The following ARMC8 variants were observed in gnomAD, a reference collection of about 807,000 sequenced individuals.
The protein encoded by ARMC8 is armadillo repeat containing 8.
Under a neutral mutation model 99.3 loss-of-function variants are expected in ARMC8, and 20 were observed. That is an observed-to-expected ratio of 0.20 (90% confidence interval 0.14 to 0.29). ARMC8 has a LOEUF of 0.29. Ranked by LOEUF, ARMC8 falls within the 10% of genes least tolerant of loss-of-function variation. The pLI is 1.00. For synonymous variants in ARMC8, 263 were observed against 278.3 expected, an observed-to-expected ratio of 0.95 and a Z score of 0.55; for missense variants, 569 against 809.5, an observed-to-expected ratio of 0.70 and a Z score of 3.60.
At chr3:138,191,073 A>C (rs2043353656) in intron 1 of ARMC8, among the ~76,000 whole-genome samples, 1 of 152,248 alleles carries the variant, frequency 6.6e-6, no homozygotes, top group African/African-American at 2.4e-5. Context: ...CATACAAGGC[A>C]AAGGGAACTG....
At chr3:138,284,005 C>T (rs911735977) in intron 18 of ARMC8, among the ~76,000 whole-genome samples, 5 of 152,148 alleles carry the variant, frequency 3.3e-5, no homozygotes, top group African/African-American at 1.2e-4. Flanking sequence ...GGGAGGCTTC[C>T]CTGGGAGGGG....
In ARMC8 at chr3:138,243,019, G is replaced by C. The variant is rs536472092; in HGVS notation, c.1038+1036G>C. Among the ~76,000 whole-genome samples the C allele has an allele frequency of 3.3e-5, 5 of 152,180 alleles. No individual in the cohort carries two copies. In the South Asian group the frequency reaches 1.0e-3, roughly 32 times the overall value. ...ATACATTTAACCAGTTGCCTTGTCT[G>C]TTTTCCTTCTGGTCATTTTTTCACA... On this transcript the variant is annotated intron_variant, in intron 11 of 21. Coordinates refer to ENST00000469044, the MANE Select transcript of ARMC8 (RefSeq NM_001363941.2).
chr3:138,250,361 AGAT>A (rs1219805664), intron 12 of ARMC8, among the ~76,000 whole-genome samples: 12 of 152,246 alleles, frequency 7.9e-5, no homozygotes, highest in African/African-American at 2.9e-4. Flanking sequence ...TTAAAAGAAA[AGAT>A]GACCAACATT....
rs558098933 is a variant in ARMC8, at chr3:138,264,675, T to C, written c.1299+463T>C. ...CCACGTGATCTGCCCGCCTCGGCCC[T>C]CCAAAGTGCTGGGATTACAGGCATG... On this transcript the variant is annotated intron_variant, in intron 14 of 21. Transcript: ENST00000469044. 1.2e-4 allele frequency among the ~76,000 whole-genome samples: 18 copies of C among 151,836 alleles called. No individual in the cohort carries two copies. The South Asian group carries it at 2.3e-3, about 19-fold the overall frequency.
intron 1 of ARMC8, among the ~76,000 whole-genome samples, chr3:138,206,532 C>G (rs1408136294): frequency 1.3e-5 from 2 of 152,236 alleles, no homozygotes; most frequent in African/African-American, 2.4e-5. Flanking sequence ...AAAAAAAGCT[C>G]TACCCCTAGG....
intron 21 of ARMC8, among the ~76,000 whole-genome samples, chr3:138,292,046 T>C (rs1329940720): frequency 1.3e-5 from 2 of 152,184 alleles, no homozygotes; most frequent in Non-Finnish European, 2.9e-5. Context: ...CTTTCTTTTC[T>C]TTTCTTTCGA....
chr3:138,223,836 A>C (rs1316412286), intron 5 of ARMC8, 103 bp downstream of exon 5: 1 of 1,023,092 alleles, frequency 9.8e-7, no homozygotes, highest in Non-Finnish European at 1.5e-6. Flanking sequence ...TATGTAAAAA[A>C]GTCTCAGTTG....
intron 12 of ARMC8, among the ~76,000 whole-genome samples, chr3:138,259,645 G>A (rs976538554): frequency 6.6e-6 from 1 of 152,146 alleles, no homozygotes; most frequent in Non-Finnish European, 1.5e-5. Flanking sequence ...TAGACATTCT[G>A]TTAGACTATG....
chr3:138,249,868 G>A (rs1447337728), intron 12 of ARMC8, among the ~76,000 whole-genome samples: 2 of 152,164 alleles, frequency 1.3e-5, no homozygotes, highest in African/African-American at 4.8e-5. Flanking sequence ...TGAGGTCTCA[G>A]AGAAGTATTT....
chr3:138,191,262 T>C (rs1271147137), intron 1 of ARMC8, among the ~76,000 whole-genome samples: 7 of 152,194 alleles, frequency 4.6e-5, no homozygotes, highest in African/African-American at 1.7e-4. Context: ...GACCACCCCA[T>C]CCCTCTTTGG....
At chr3:138,196,291 G>A (rs776917121) in intron 1 of ARMC8, among the ~76,000 whole-genome samples, 2 of 152,138 alleles carry the variant, frequency 1.3e-5, no homozygotes, top group Non-Finnish European at 2.9e-5. Context: ...TTTGTTAGGG[G>A]AGTAAGTAGG....
intron 19 of ARMC8, among the ~76,000 whole-genome samples, chr3:138,288,799 G>A (rs1371383283): frequency 6.6e-6 from 1 of 151,872 alleles, no homozygotes; most frequent in African/African-American, 2.4e-5. Flanking sequence ...CACTACACCC[G>A]GCAAATTTTT....
intron 2 of ARMC8, among the ~76,000 whole-genome samples, chr3:138,211,980 GAA>G (rs1491552227): frequency 6.6e-6 from 1 of 152,146 alleles, no homozygotes; most frequent in African/African-American, 2.4e-5. Flanking sequence ...AACTAAAGTA[GAA>G]GAGAGAGAGG....
chr3:138,257,691 T>G (rs2047476258), intron 12 of ARMC8, among the ~76,000 whole-genome samples: 1 of 152,172 alleles, frequency 6.6e-6, no homozygotes, highest in Non-Finnish European at 1.5e-5. Flanking sequence ...AAAATTTAAG[T>G]GAGGAACTCT....
chr3:138,192,637 G>A (rs1217161937), intron 1 of ARMC8, among the ~76,000 whole-genome samples: 1 of 152,022 alleles, frequency 6.6e-6, no homozygotes, highest in Non-Finnish European at 1.5e-5. Context: ...TGCAACCTCT[G>A]TCTCCTGGGC....
chr3:138,191,900 A>G (rs1320907811), intron 1 of ARMC8, among the ~76,000 whole-genome samples: 1 of 152,174 alleles, frequency 6.6e-6, no homozygotes, highest in African/African-American at 2.4e-5. Context: ...TTAACCATTT[A>G]CCTGTTGGGC....
chr3:138,235,800 T>G (rs77721739), intron 7 of ARMC8, among the ~76,000 whole-genome samples: 1 of 138,206 alleles, frequency 7.2e-6, no homozygotes, highest in Non-Finnish European at 1.6e-5. Flanking sequence ...CTTTTAGTCT[T>G]TTTTTTTTTT....
At chr3:138,237,671 T>C in intron 9 of ARMC8, 99 bp downstream of exon 9, 1 of 921,748 alleles carries the variant, frequency 1.1e-6, no homozygotes, top group Non-Finnish European at 1.6e-6. Context: ...CCCCATTTTA[T>C]TTTGAGATTT....
intron 2 of ARMC8, among the ~76,000 whole-genome samples, chr3:138,211,050 A>G (rs2044666617): frequency 6.6e-6 from 1 of 152,094 alleles, no homozygotes; most frequent in Non-Finnish European, 1.5e-5. Context: ...AGACTTTATA[A>G]TTATTTAATC....
Sources: gnomAD v4.1 joint callset for allele counts (sites outside exome capture counted in the v4.1 genomes callset) on GRCh38, gnomAD v4.1.1 for gene constraint, MANE v1.5 for transcripts, NCBI Gene and HGNC (gene_info 2026-07-23, HGNC 2026-07-21) for gene names.